The following SPATS1 variants were observed in gnomAD, a reference collection of about 807,000 sequenced individuals.
The protein encoded by SPATS1 is spermatogenesis-associated serine-rich protein 1.
SPATS1 carries 23 observed loss-of-function variants against 33.6 expected under a neutral mutation model. That is an observed-to-expected ratio of 0.68 (90% CI 0.49 to 0.97). SPATS1 has a LOEUF of 0.97. Ranked by LOEUF, SPATS1 falls within the 50% of genes least tolerant of loss-of-function variation. The pLI is 0.00. For missense variants in SPATS1, 327 were observed against 361.0 expected (o/e 0.91, Z 0.76); for synonymous variants, 131 against 125.6 (o/e 1.04, Z -0.29).
intron 3 of SPATS1, 135 bp from the exon 4 acceptor site, chr6:44,360,311 T>G: frequency 9.1e-6 from 10 of 1,097,538 alleles, no homozygotes; most frequent in Admixed American, 2.3e-5. Flanking sequence ...AGTAAATAAA[T>G]GATATGCTCA....
Position 44,377,328 on chromosome 6 carries a change from C to T in SPATS1, c.*265C>T, listed in dbSNP as rs1790021144. ...AAACTTTCTCTCTCTCACAATATTA[C>T]AGTTACCATTTTGCTGAACTCTTTG... On this transcript the variant is annotated 3_prime_UTR_variant, in exon 9 of 9. Coordinates refer to ENST00000674044, the MANE Select transcript of SPATS1 (RefSeq NM_001372081.1). 1.9e-6 allele frequency: 1 copy of T among 535,620 alleles called. No homozygotes were observed. The highest frequency in any genetic ancestry group is 3.2e-5 in the Admixed American group (1 of 31,126). 33.2% of individuals were successfully genotyped at this position (535,620 alleles called of 1,614,324 possible). A position where few individuals can be genotyped will look rare whatever the true frequency, so the allele number is the denominator to read the frequency against.
intron 2 of SPATS1, among the ~76,000 whole-genome samples, chr6:44,344,042 A>C (rs1018803074): frequency 5.9e-5 from 9 of 152,192 alleles, no homozygotes; most frequent in African/African-American, 2.2e-4. Flanking sequence ...CTAGGACCGT[A>C]GAGAAGGAGG....
In SPATS1 at chr6:44,373,531, A is replaced by G. The variant is rs1041642230; in HGVS notation, c.759-2827A>G. On this transcript the variant is annotated intron_variant, in intron 7 of 8. Coordinates refer to ENST00000674044, the MANE Select transcript of SPATS1 (RefSeq NM_001372081.1). Reference sequence around the variant, plus strand: ...TGTAGGTTTTTTCCCAAGTTATTTGATGAATCAGTTTTGTACTGCTCCATT... The same window carrying G: ...TGTAGGTTTTTTCCCAAGTTATTTGGTGAATCAGTTTTGTACTGCTCCATT... Among the ~76,000 whole-genome samples the G allele has an allele frequency of 2.0e-5, 3 of 152,226 alleles. No individual in the cohort carries two copies. In the East Asian group the frequency reaches 5.8e-4, roughly 29 times the overall value.
rs1554153278 is a variant in SPATS1, at chr6:44,361,998, G to GTTT, written c.574+7_574+9dup. The GTTT allele has an allele frequency of 2.5e-6, 4 of 1,614,184 alleles. No homozygotes were observed. The highest frequency in any genetic ancestry group is 3.4e-6 in the Non-Finnish European group (4 of 1,180,018). On this transcript the variant is annotated splice_region_variant and intron_variant, in intron 5 of 8. Transcript: ENST00000674044. Reference sequence around the variant, plus strand: ...CTTTGGGAGAAAGAAATACGGTGATGTTTCCTTCTGGGTCTTGACTGTGCA... The same window carrying GTTT: ...CTTTGGGAGAAAGAAATACGGTGATGTTTTTTCCTTCTGGGTCTTGACTGTGCA...
chr6:44,355,265 C>T (rs1788514118), intron 3 of SPATS1, among the ~76,000 whole-genome samples: 2 of 144,836 alleles, frequency 1.4e-5, no homozygotes, highest in South Asian at 4.6e-4. Context: ...ATAGTATATA[C>T]CCTTTTCAGA....
At chr6:44,357,253 A>G (rs1346476856) in intron 3 of SPATS1, among the ~76,000 whole-genome samples, 3 of 152,202 alleles carry the variant, frequency 2.0e-5, no homozygotes, top group South Asian at 4.1e-4. Flanking sequence ...GGCTTCCTCC[A>G]ATGCCTTGCT....
At chr6:44,363,632 TTC>T (rs1789056923) in intron 5 of SPATS1, among the ~76,000 whole-genome samples, 3 of 87,244 alleles carry the variant, frequency 3.4e-5, no homozygotes, top group African/African-American at 9.8e-5. Context: ...CCTCTTCTTT[TTC>T]TTTCTTTCCT....
intron 2 of SPATS1, among the ~76,000 whole-genome samples, chr6:44,348,621 A>G (rs1325130003): frequency 6.6e-6 from 1 of 152,166 alleles, no homozygotes; most frequent in Non-Finnish European, 1.5e-5. Context: ...TGTAGTTGTA[A>G]TAATTTTTGC....
intron 4 of SPATS1, 80 bp from the exon 5 acceptor site, chr6:44,361,751 A>C: frequency 1.9e-6 from 3 of 1,570,102 alleles, no homozygotes; most frequent in Non-Finnish European, 2.6e-6. Context: ...GTGCCTGTGG[A>C]GTTTTCACAG....
chr6:44,365,371 A>C (rs865809265), intron 5 of SPATS1, among the ~76,000 whole-genome samples: 2 of 152,186 alleles, frequency 1.3e-5, no homozygotes, highest in South Asian at 2.1e-4. Context: ...ACAGTACAGC[A>C]TATTGTATTA....
At chr6:44,351,445 T>C (rs1393028704) in intron 2 of SPATS1, among the ~76,000 whole-genome samples, 2 of 152,192 alleles carry the variant, frequency 1.3e-5, no homozygotes, top group East Asian at 3.9e-4. Flanking sequence ...GGTGGAATAG[T>C]AGTCAGTCTA....
intron 1 of SPATS1, 58 bp from the exon 2 acceptor site, chr6:44,343,038 C>T (rs1461843893): frequency 1.9e-6 from 3 of 1,602,102 alleles, no homozygotes; most frequent in Admixed American, 1.7e-5. Flanking sequence ...ACCTTTCTTA[C>T]GAGGGACTTT....
At chr6:44,349,520 CTATAAA>C (rs1479908925) in intron 2 of SPATS1, among the ~76,000 whole-genome samples, 1 of 151,978 alleles carries the variant, frequency 6.6e-6, no homozygotes, top group Admixed American at 6.6e-5. Flanking sequence ...TGATTAAAAT[CTATAAA>C]TAAATTAAAA....
chr6:44,351,683 G>A (rs992951502), intron 2 of SPATS1, among the ~76,000 whole-genome samples: 1 of 152,202 alleles, frequency 6.6e-6, no homozygotes, highest in Non-Finnish European at 1.5e-5. Context: ...GTATAGCAGA[G>A]TGAAGATAAT....
At chr6:44,363,978 AT>A (rs1297732841) in intron 5 of SPATS1, among the ~76,000 whole-genome samples, 1 of 152,090 alleles carries the variant, frequency 6.6e-6, no homozygotes, top group South Asian at 2.1e-4. Flanking sequence ...CATATTTCAT[AT>A]TTTTTTAAAG....
At chr6:44,366,127 A>AT (rs199562029) in intron 5 of SPATS1, among the ~76,000 whole-genome samples, 5,411 of 141,392 alleles carry the variant, frequency 0.038, 175 homozygotes, top group African/African-American at 0.085. Context: ...ATATATATAT[A>AT]TTTTTTTTTT....
chr6:44,365,975 T>C (rs1324819128), intron 5 of SPATS1, among the ~76,000 whole-genome samples: 1 of 152,212 alleles, frequency 6.6e-6, no homozygotes, highest in African/African-American at 2.4e-5. Flanking sequence ...TTGTACTTAA[T>C]AGCTTAAACA....
At chr6:44,367,685 G>A (rs549901506) in intron 5 of SPATS1, among the ~76,000 whole-genome samples, 1 of 152,332 alleles carries the variant, frequency 6.6e-6, no homozygotes, top group South Asian at 2.1e-4. Flanking sequence ...TGCATCTGGT[G>A]TAAGTGTGTG....
intron 3 of SPATS1, among the ~76,000 whole-genome samples, chr6:44,357,432 G>A (rs1180887723): frequency 6.6e-6 from 1 of 152,080 alleles, no homozygotes; most frequent in East Asian, 1.9e-4. Flanking sequence ...GTCCCAGCTG[G>A]AGTCCATTGG....
Sources: allele counts gnomAD v4.1 joint callset (sites outside exome capture counted in the v4.1 genomes callset), GRCh38; gene constraint gnomAD v4.1.1; transcripts MANE v1.5; gene names NCBI Gene and HGNC (gene_info 2026-07-23, HGNC 2026-07-21).